The following POU2F2 variants were observed in gnomAD, a reference collection of about 807,000 sequenced individuals.
The protein encoded by POU2F2 is POU domain, class 2, transcription factor 2.
Under a neutral mutation model 63.5 loss-of-function variants are expected in POU2F2, and 14 were observed. That is an observed-to-expected ratio of 0.22 (90% CI 0.15 to 0.34). The LOEUF is 0.34. Among genes scored for constraint, POU2F2 ranks in the 10% least tolerant of loss-of-function variants. POU2F2 has a pLI of 1.00. For synonymous variants in POU2F2, 306 were observed against 348.6 expected (o/e 0.88, Z 1.36); for missense variants, 607 against 815.2 (o/e 0.74, Z 3.11).
At chr19:42,100,085 CTTTTTTTTTTTTTT>C (rs948283094) in intron 5 of POU2F2, among the ~76,000 whole-genome samples, 1 of 77,068 alleles carries the variant, frequency 1.3e-5, no homozygotes, top group African/African-American at 4.9e-5. Context: ...CCCTTTCTTT[CTTTTTTTTTTTTTT>C]TTTTTTTTTT....
intron 2 of POU2F2, among the ~76,000 whole-genome samples, chr19:42,146,731 T>C (rs1408807057): frequency 2.6e-5 from 4 of 152,062 alleles, no homozygotes; most frequent in Non-Finnish European, 5.9e-5. Context: ...CACTTTAGGG[T>C]TCACATGGAG....
upstream of POU2F2, among the ~76,000 whole-genome samples, chr19:42,136,332 G>A (rs1165464585): frequency 1.3e-5 from 2 of 151,832 alleles, no homozygotes; most frequent in Non-Finnish European, 2.9e-5. Context: ...CCACAGGCGT[G>A]CACCACCACA....
In POU2F2 at chr19:42,099,829, G is replaced by T. The variant is rs781432974; in HGVS notation, c.370-8C>A. On this transcript the variant is annotated splice_polypyrimidine_tract_variant and splice_region_variant and intron_variant, in intron 5 of 14. Transcript: ENST00000692977. ...GAGGAGCTGCTGTATGTCCTGGCAG[G>T]GAGTGGGGTGGACAGAAAGATAGCC... The T allele has an allele frequency of 6.4e-7, 1 of 1,553,032 alleles. No individual in the cohort carries two copies. The highest frequency in any genetic ancestry group is 1.4e-5 in the African/African-American group (1 of 73,298).
intron 1 of POU2F2, among the ~76,000 whole-genome samples, chr19:42,123,479 T>C (rs986017241): frequency 4.6e-5 from 7 of 152,156 alleles, no homozygotes; most frequent in Admixed American, 2.0e-4. Context: ...GTGCCAAGCA[T>C]AGAGCTAGAT....
At chr19:42,166,978 A>C (rs2034664825) in intron 1 of POU2F2, among the ~76,000 whole-genome samples, 1 of 152,208 alleles carries the variant, frequency 6.6e-6, no homozygotes, top group African/African-American at 2.4e-5. Flanking sequence ...CATTTGACAA[A>C]ACATTCAATG....
intron 1 of POU2F2, among the ~76,000 whole-genome samples, chr19:42,130,321 A>T (rs1390894718): frequency 6.6e-6 from 1 of 152,190 alleles, no homozygotes; most frequent in Admixed American, 6.5e-5. Context: ...ACACAAGTGC[A>T]CACACATACA....
intron 5 of POU2F2, among the ~76,000 whole-genome samples, chr19:42,106,028 TTTC>T (rs1379601979): frequency 2.7e-5 from 4 of 148,210 alleles, no homozygotes; most frequent in Admixed American, 6.7e-5. Flanking sequence ...TCTTTCTTTC[TTTC>T]TTTCTTTCTT....
At chr19:42,168,752 C>CTGTG (rs1555734164) in intron 1 of POU2F2, among the ~76,000 whole-genome samples, 1 of 152,150 alleles carries the variant, frequency 6.6e-6, no homozygotes, top group Non-Finnish European at 1.5e-5. Context: ...TTATTTATGC[C>CTGTG]TGTGTGGGCT....
intron 7 of POU2F2, among the ~76,000 whole-genome samples, chr19:42,098,432 AAAAG>A (rs1272186262): frequency 6.6e-6 from 1 of 151,938 alleles, no homozygotes; most frequent in Non-Finnish European, 1.5e-5. Context: ...AAAAAAAACA[AAAAG>A]AAAGAAAGCC....
chr19:42,093,710 C>A (rs2076816958), intron 12 of POU2F2, 119 bp downstream of exon 12: 3 of 1,019,798 alleles, frequency 2.9e-6, no homozygotes, highest in East Asian at 5.2e-5. Flanking sequence ...ATTCCCCCAC[C>A]CACACTCCCC....
chr19:42,097,611 A>G (rs1455230964), intron 7 of POU2F2, among the ~76,000 whole-genome samples: 1 of 151,780 alleles, frequency 6.6e-6, no homozygotes, highest in Non-Finnish European at 1.5e-5. Flanking sequence ...GGAATTTGAG[A>G]CTAGCCTGGG....
intron 1 of POU2F2, among the ~76,000 whole-genome samples, chr19:42,126,863 C>A (rs944913047): frequency 6.6e-6 from 1 of 152,210 alleles, no homozygotes; most frequent in South Asian, 2.1e-4. Flanking sequence ...CTTTAGCAGT[C>A]TCTGTTTCCT....
At chr19:42,132,305 G>A in intron 1 of POU2F2, 79 bp downstream of exon 1, 3 of 1,468,068 alleles carry the variant, frequency 2.0e-6, no homozygotes, top group Non-Finnish European at 2.8e-6. Context: ...CTGAGGAGGA[G>A]GGGCAGGCAG....
chr19:42,128,722 C>T (rs2033423265), intron 1 of POU2F2, among the ~76,000 whole-genome samples: 1 of 152,180 alleles, frequency 6.6e-6, no homozygotes. Flanking sequence ...ATGCCCATCG[C>T]CTATCACTCA....
At chr19:42,124,843 G>A (rs1284138661) in intron 1 of POU2F2, among the ~76,000 whole-genome samples, 5 of 152,174 alleles carry the variant, frequency 3.3e-5, no homozygotes, top group Non-Finnish European at 1.5e-5. Flanking sequence ...CCAATTACAG[G>A]AAATTCAAAA....
chr19:42,179,983 T>C (rs1282420610), upstream of POU2F2, among the ~76,000 whole-genome samples: 3 of 152,040 alleles, frequency 2.0e-5, no homozygotes, highest in African/African-American at 7.2e-5. Context: ...GACCACTTAA[T>C]ACCCCCATAC....
intron 2 of POU2F2, among the ~76,000 whole-genome samples, chr19:42,138,403 AG>A (rs2034061483): frequency 6.6e-6 from 1 of 152,158 alleles, no homozygotes; most frequent in South Asian, 2.1e-4. Context: ...AAGGAAGGGC[AG>A]GAGGTGGGAA....
chr19:42,091,265 G>A lies in POU2F2; in HGVS notation c.1867C>T (p.Pro623Ser). The A allele has an allele frequency of 6.5e-7, 1 of 1,532,088 alleles. No individual in the cohort carries two copies. The highest frequency in any genetic ancestry group is 8.7e-7 in the Non-Finnish European group (1 of 1,145,736). The allele number at this position is 1,532,088 out of a possible 1,614,324, so 94.9% of individuals were successfully genotyped here. A position where few individuals can be genotyped will look rare whatever the true frequency, so the allele number is the denominator to read the frequency against. Residue 623 changes from proline to serine, a missense_variant, in exon 15 of 15, where the codon CCT becomes TCT. This residue lies in a region of POU2F2 where 270 missense variants were observed against 307.5 expected (regional missense o/e 0.88). Transcript: ENST00000692977. ...GGAGGCATGGCTGGCCCTCACTCAGGTTTGGACCCTGCCTCGGGCCCCCCT... is the reference window on the plus strand; with the variant it reads ...GGAGGCATGGCTGGCCCTCACTCAGATTTGGACCCTGCCTCGGGCCCCCCT... ...GPGGPEAGSK[P>S]E is the part of the protein sequence containing the mutation.
At chr19:42,196,970 A>G (rs2035156756), upstream of POU2F2, among the ~76,000 whole-genome samples, 1 of 152,220 alleles carries the variant, frequency 6.6e-6, no homozygotes, top group Non-Finnish European at 1.5e-5. Flanking sequence ...GCAGGGGCAG[A>G]GCCTGAAATG....
Sources: gnomAD v4.1 joint callset for allele counts (sites outside exome capture counted in the v4.1 genomes callset) on GRCh38, gnomAD v4.1.1 for gene constraint, gnomAD v4.1.1 regional missense constraint, MANE v1.5 for transcripts, NCBI Gene and HGNC (gene_info 2026-07-23, HGNC 2026-07-21) for gene names.